The following EYS variants were observed in gnomAD, a reference collection of about 807,000 sequenced individuals.
The protein encoded by EYS is EGF-like photoreceptor maintenance factor.
Under a neutral mutation model 282.1 loss-of-function variants are expected in EYS, and 250 were observed. The ratio of observed to expected loss-of-function variants is 0.89; its 90% CI spans 0.80 to 0.98. The LOEUF (loss-of-function observed/expected upper bound fraction) is 0.98. Among genes scored for constraint, EYS ranks in the 50% least tolerant of loss-of-function variants. The probability of loss-of-function intolerance (pLI) is 0.00; values close to 1 mark genes in which losing one functional copy is unlikely to be tolerated. For synonymous variants in EYS, 1,355 were observed against 1,282.9 expected, an observed-to-expected ratio of 1.06 and a Z score of -1.20; for missense variants, 4,016 against 3,709.0, an observed-to-expected ratio of 1.08 and a Z score of -2.15.
intron 5 of EYS, among the ~76,000 whole-genome samples, chr6:65,420,198 A>G (rs1406215245): frequency 6.6e-6 from 1 of 151,934 alleles, no homozygotes; most frequent in East Asian, 1.9e-4. Flanking sequence ...TTTTGCCCAC[A>G]ATAGAACTTT....
intron 13 of EYS, among the ~76,000 whole-genome samples, chr6:65,026,016 T>C (rs1772397592): frequency 6.6e-6 from 1 of 152,160 alleles, no homozygotes; most frequent in Admixed American, 6.5e-5. Context: ...GCCATATGTA[T>C]TTTTTTATTC....
intron 26 of EYS, among the ~76,000 whole-genome samples, chr6:64,540,578 G>A (rs1025861564): frequency 6.8e-6 from 1 of 147,818 alleles, no homozygotes; most frequent in South Asian, 2.1e-4. Context: ...TGCTTCCCAG[G>A]TTCAAGCAAT....
chr6:64,973,030 AT>A (rs1770350216), intron 14 of EYS, among the ~76,000 whole-genome samples: 2 of 152,082 alleles, frequency 1.3e-5, no homozygotes, highest in African/African-American at 4.8e-5. Context: ...ATCAGGTATC[AT>A]TTTAAAATAT....
intron 12 of EYS, among the ~76,000 whole-genome samples, chr6:65,274,066 G>C (rs944305258): frequency 6.6e-6 from 1 of 151,996 alleles, no homozygotes; most frequent in African/African-American, 2.4e-5. Flanking sequence ...AATCACAAGG[G>C]GCCCAGTGAG....
intron 35 of EYS, among the ~76,000 whole-genome samples, chr6:63,957,698 A>G (rs901289820): frequency 7.1e-6 from 1 of 140,652 alleles, no homozygotes; most frequent in East Asian, 2.0e-4. Context: ...TACCATGTAT[A>G]TTAGGTTCTA....
At chr6:65,455,536 C>T (rs1764569325) in intron 5 of EYS, among the ~76,000 whole-genome samples, 2 of 151,692 alleles carry the variant, frequency 1.3e-5, no homozygotes, top group Admixed American at 1.3e-4. Context: ...CGAGAGAAGA[C>T]TCAAATAAGT....
chr6:65,608,714 T>C (rs1346369600), intron 2 of EYS, among the ~76,000 whole-genome samples: 1 of 152,070 alleles, frequency 6.6e-6, no homozygotes, highest in Non-Finnish European at 1.5e-5. Flanking sequence ...CTTTTTCCTT[T>C]ATATCCTTAC....
rs1250622382 is a variant in EYS, at chr6:64,076,837, G to T, written c.6571+5019C>A. On this transcript the variant is annotated intron_variant, in intron 32 of 42. Transcript: ENST00000503581. ...TGTAAGCACAGACTCCTGGTAAAAT[G>T]AATCTCTGTGCAAGTTCTTAATTTA... 2.0e-5 allele frequency among the ~76,000 whole-genome samples: 3 copies of T among 151,906 alleles called. No individual in the cohort carries two copies. In the East Asian group the frequency reaches 5.8e-4, roughly 29 times the overall value.
chr6:64,225,354 G>A (rs1766225282), intron 31 of EYS, among the ~76,000 whole-genome samples: 1 of 151,856 alleles, frequency 6.6e-6, no homozygotes, highest in Non-Finnish European at 1.5e-5. Flanking sequence ...CCCTTTACAT[G>A]ACAAAGGGGA....
chr6:65,231,567 T>A (rs1766783258), intron 12 of EYS, among the ~76,000 whole-genome samples: 1 of 151,782 alleles, frequency 6.6e-6, no homozygotes, highest in South Asian at 2.1e-4. Flanking sequence ...TTTTTCACCT[T>A]GACCATAAAT....
chr6:64,321,432 A>G (rs79632489), intron 29 of EYS, among the ~76,000 whole-genome samples: 4,743 of 151,940 alleles, frequency 0.031, 236 homozygotes, highest in African/African-American at 0.11. Flanking sequence ...TATAAGGCTG[A>G]TGTAATTTAG....
chr6:65,204,628 A>G (rs904031576), intron 12 of EYS, among the ~76,000 whole-genome samples: 3 of 151,864 alleles, frequency 2.0e-5, no homozygotes, highest in African/African-American at 7.2e-5. Flanking sequence ...CAATTACACA[A>G]TTGAGACTCC....
intron 22 of EYS, among the ~76,000 whole-genome samples, chr6:64,808,537 G>A (rs1020444934): frequency 6.6e-6 from 1 of 151,756 alleles, no homozygotes; most frequent in Non-Finnish European, 1.5e-5. Context: ...TTCCTAACAG[G>A]TTCAGTGTCT....
In EYS at chr6:65,622,648, G is replaced by A. The variant is rs545203358; in HGVS notation, c.-333+17130C>T. Among the ~76,000 whole-genome samples, 3 of 152,136 alleles carry A rather than the reference G, an allele frequency of 2.0e-5. No homozygotes were observed. The South Asian group carries it at 6.2e-4, about 32-fold the overall frequency. On this transcript the variant is annotated intron_variant, in intron 2 of 42. Coordinates refer to ENST00000503581, the MANE Select transcript of EYS (RefSeq NM_001142800.2). ...TTGGATTACTGCATTGGAGAAAAAC[G>A]TACTTCAAAGCAGACTATCATTGTT...
intron 2 of EYS, among the ~76,000 whole-genome samples, chr6:65,528,081 G>A (rs1178141969): frequency 6.6e-6 from 1 of 152,102 alleles, no homozygotes; most frequent in East Asian, 1.9e-4. Context: ...TGTCCTTCTG[G>A]TAACAGCACA....
At chr6:64,457,710 T>G (rs1210669501) in intron 26 of EYS, among the ~76,000 whole-genome samples, 1 of 152,034 alleles carries the variant, frequency 6.6e-6, no homozygotes, top group Non-Finnish European at 1.5e-5. Context: ...GAAATATCTT[T>G]TTTCAGTTCT....
At chr6:65,306,661 A>T (rs545410396) in intron 11 of EYS, among the ~76,000 whole-genome samples, 1,338 of 132,104 alleles carry the variant, frequency 0.01, 5 homozygotes, top group Non-Finnish European at 0.013. Flanking sequence ...GATGTAGGAT[A>T]AAAAAAAAAA....
At chr6:64,515,644 T>C (rs905230289) in intron 26 of EYS, among the ~76,000 whole-genome samples, 4 of 151,630 alleles carry the variant, frequency 2.6e-5, no homozygotes, top group African/African-American at 9.7e-5. Flanking sequence ...TATATATATT[T>C]GTATATGTGT....
chr6:64,051,257 T>A (rs936167546), intron 33 of EYS, among the ~76,000 whole-genome samples: 12 of 152,178 alleles, frequency 7.9e-5, no homozygotes, highest in Non-Finnish European at 1.6e-4. Flanking sequence ...TTAAAAACAT[T>A]AGTCCTGCTT....
Sources: allele counts gnomAD v4.1 joint callset (sites outside exome capture counted in the v4.1 genomes callset), GRCh38; gene constraint gnomAD v4.1.1; transcripts MANE v1.5; gene names NCBI Gene and HGNC (gene_info 2026-07-23, HGNC 2026-07-21).